The following SRPK2 variants were observed in gnomAD, a reference collection of about 807,000 sequenced individuals.
SRPK2 encodes SRSF protein kinase 2, also known as SFRS protein kinase 2.
In SRPK2, 21 loss-of-function variants were observed where a neutral mutation model predicts 90.8. The ratio of observed to expected loss-of-function variants is 0.23; its 90% CI spans 0.16 to 0.33. The LOEUF is 0.33. Ranked by LOEUF, SRPK2 falls within the 10% of genes least tolerant of loss-of-function variation. The probability of loss-of-function intolerance (pLI) is 1.00; values close to 1 mark genes in which losing one functional copy is unlikely to be tolerated. For synonymous variants in SRPK2, 288 were observed against 311.1 expected (o/e 0.93, Z 0.78); for missense variants, 620 against 869.0 (o/e 0.71, Z 3.60).
intron 2 of SRPK2, among the ~76,000 whole-genome samples, chr7:105,259,610 G>A (rs1322786910): frequency 6.6e-6 from 1 of 152,124 alleles, no homozygotes; most frequent in East Asian, 1.9e-4. Flanking sequence ...AAAGCTGGAG[G>A]CATCACACTA....
chr7:105,205,683 G>A lies in SRPK2; in HGVS notation c.72-1898C>T, dbSNP rs1174069328. ...TAACACATGTGCCCTTACTGAAAGT[G>A]GAATGGTCCCAGGCAAAAGAGAGTT... On this transcript the variant is annotated intron_variant, in intron 2 of 15. Transcript: ENST00000393651. 3.3e-5 allele frequency among the ~76,000 whole-genome samples: 5 copies of A among 152,178 alleles called. No individual in the cohort carries two copies. In the South Asian group the frequency reaches 8.3e-4, roughly 25 times the overall value.
chr7:105,356,123 T>C (rs1482440374), intron 2 of SRPK2, among the ~76,000 whole-genome samples: 2 of 152,170 alleles, frequency 1.3e-5, no homozygotes, highest in Non-Finnish European at 2.9e-5. Flanking sequence ...CAGTTCTCTG[T>C]TCATTTTCAG....
intron 3 of SRPK2, among the ~76,000 whole-genome samples, chr7:105,169,467 C>A (rs1184849786): frequency 1.3e-5 from 2 of 152,138 alleles, no homozygotes; most frequent in Non-Finnish European, 2.9e-5. Flanking sequence ...TGGCTTACAC[C>A]TGTAATCTCA....
intron 2 of SRPK2, among the ~76,000 whole-genome samples, chr7:105,360,064 G>C (rs1298139578): frequency 6.6e-6 from 1 of 152,158 alleles, no homozygotes; most frequent in Non-Finnish European, 1.5e-5. Flanking sequence ...GGATGTTCCT[G>C]TATTGGGTGC....
At chr7:105,261,022 T>TAAAAAAA (rs72277307) in intron 2 of SRPK2, among the ~76,000 whole-genome samples, 10 of 116,034 alleles carry the variant, frequency 8.6e-5, no homozygotes, top group Non-Finnish European at 1.0e-4. Flanking sequence ...CCCTAGAAAT[T>TAAAAAAA]AAAAAAAAAA....
intron 3 of SRPK2, among the ~76,000 whole-genome samples, chr7:105,197,092 T>C (rs1450452602): frequency 1.3e-5 from 2 of 150,730 alleles, no homozygotes; most frequent in South Asian, 2.1e-4. Context: ...ACTCGGAGGG[T>C]TGGGGGGCAG....
At chr7:105,324,768 T>C (rs1393771076) in intron 2 of SRPK2, among the ~76,000 whole-genome samples, 3 of 152,096 alleles carry the variant, frequency 2.0e-5, no homozygotes, top group African/African-American at 7.2e-5. Context: ...ACGCCTGCAA[T>C]CCCAGCTTCT....
At chr7:105,118,504 A>C (rs184411900) in intron 15 of SRPK2, among the ~76,000 whole-genome samples, 20 of 152,352 alleles carry the variant, frequency 1.3e-4, no homozygotes, top group African/African-American at 4.8e-4. Flanking sequence ...CTGCAGTATG[A>C]AAAGTGTCGG....
At chr7:105,142,964 G>T in intron 10 of SRPK2, 120 bp downstream of exon 10, 1 of 1,333,910 alleles carries the variant, frequency 7.5e-7, no homozygotes, top group Non-Finnish European at 1.0e-6. Flanking sequence ...TAGGGAGTTG[G>T]AGAGAATCAT....
chr7:105,292,112 A>G (rs890854911), intron 2 of SRPK2, among the ~76,000 whole-genome samples: 2 of 152,184 alleles, frequency 1.3e-5, no homozygotes, highest in African/African-American at 4.8e-5. Flanking sequence ...CAACACTTCA[A>G]GGAATCAATG....
chr7:105,155,519 C>T (rs966193138), intron 7 of SRPK2, among the ~76,000 whole-genome samples: 1 of 152,136 alleles, frequency 6.6e-6, no homozygotes, highest in Non-Finnish European at 1.5e-5. Flanking sequence ...TTTCTAATTG[C>T]CACAATCAGG....
chr7:105,216,350 T>C (rs1797462220), intron 2 of SRPK2, among the ~76,000 whole-genome samples: 1 of 152,076 alleles, frequency 6.6e-6, no homozygotes, highest in South Asian at 2.1e-4. Flanking sequence ...CCAATAATGG[T>C]TGTCTCCAGG....
At chr7:105,165,895 C>T (rs1789994413) in intron 6 of SRPK2, among the ~76,000 whole-genome samples, 1 of 152,232 alleles carries the variant, frequency 6.6e-6, no homozygotes, top group South Asian at 2.1e-4. Flanking sequence ...CCATGAGGGT[C>T]TGTGGCTTCA....
chr7:105,194,367 AAAG>A (rs1413474629), intron 3 of SRPK2, among the ~76,000 whole-genome samples: 2 of 151,904 alleles, frequency 1.3e-5, no homozygotes, highest in African/African-American at 4.9e-5. Flanking sequence ...ATGAGGCAAA[AAAG>A]AATAATAATT....
chr7:105,131,358 C>T (rs144923604), intron 13 of SRPK2, among the ~76,000 whole-genome samples: 3 of 152,342 alleles, frequency 2.0e-5, no homozygotes, highest in African/African-American at 7.2e-5. Flanking sequence ...TCAAATGCCT[C>T]TCCACACAGC....
At chr7:105,238,318 C>T (rs1257525127) in intron 2 of SRPK2, among the ~76,000 whole-genome samples, 3 of 152,200 alleles carry the variant, frequency 2.0e-5, no homozygotes, top group Admixed American at 1.3e-4. Flanking sequence ...AAAGTCTGGA[C>T]AGGAGTCAGC....
chr7:105,312,866 G>A (rs1811872122), intron 2 of SRPK2, among the ~76,000 whole-genome samples: 1 of 152,056 alleles, frequency 6.6e-6, no homozygotes, highest in Admixed American at 6.6e-5. Flanking sequence ...CAAATTCCTG[G>A]CCTCAAGTGA....
intron 11 of SRPK2, among the ~76,000 whole-genome samples, chr7:105,140,099 T>G (rs1170685298): frequency 1.3e-5 from 2 of 152,148 alleles, no homozygotes; most frequent in Admixed American, 1.3e-4. Context: ...TTATACTGTA[T>G]TGTTTAGGGA....
At chr7:105,392,902 T>C (rs1048457465), upstream of SRPK2, among the ~76,000 whole-genome samples, 1 of 151,516 alleles carries the variant, frequency 6.6e-6, no homozygotes. Flanking sequence ...AACCTCCGCC[T>C]CCCAGGTTCA....
Sources: gnomAD v4.1 joint callset for allele counts (sites outside exome capture counted in the v4.1 genomes callset) on GRCh38, gnomAD v4.1.1 for gene constraint, MANE v1.5 for transcripts, NCBI Gene and HGNC (gene_info 2026-07-23, HGNC 2026-07-21) for gene names.